LAMA2: variants seen among roughly 807,000 people sequenced by gnomAD.
The protein encoded by LAMA2 is laminin subunit alpha 2.
Under a neutral mutation model 364.8 loss-of-function variants are expected in LAMA2, and 269 were observed. That is an observed-to-expected ratio of 0.74 (90% CI 0.67 to 0.82). LAMA2 has a LOEUF of 0.82. Among genes scored for constraint, LAMA2 ranks in the 40% least tolerant of loss-of-function variants. LAMA2 has a pLI of 0.00. For synonymous variants in LAMA2, 1,379 were observed against 1,370.6 expected (o/e 1.01, Z -0.14); for missense variants, 3,807 against 3,873.2 (o/e 0.98, Z 0.45).
At chr6:129,223,125 G>T (rs1473864378) in intron 12 of LAMA2, among the ~76,000 whole-genome samples, 1 of 152,130 alleles carries the variant, frequency 6.6e-6, no homozygotes, top group Non-Finnish European at 1.5e-5. Flanking sequence ...GTGTCTGCTG[G>T]CTGCATCAGT....
At chr6:129,129,775 T>A (rs1777344737) in intron 4 of LAMA2, among the ~76,000 whole-genome samples, 3 of 151,046 alleles carry the variant, frequency 2.0e-5, no homozygotes, top group Admixed American at 2.0e-4. Flanking sequence ...ATACAAAAAA[T>A]TAGCCAGGCG....
At chr6:129,326,732 AT>A (rs930140799) in intron 28 of LAMA2, among the ~76,000 whole-genome samples, 5 of 144,962 alleles carry the variant, frequency 3.4e-5, no homozygotes, top group African/African-American at 1.3e-4. Context: ...TATTATATAT[AT>A]TTTATATATT....
intron 1 of LAMA2, among the ~76,000 whole-genome samples, chr6:128,946,154 T>C (rs2114555379): frequency 6.6e-6 from 1 of 152,364 alleles, no homozygotes; most frequent in South Asian, 2.1e-4. Context: ...TATCAATGAA[T>C]GTTGTTTTAA....
At chr6:128,925,255 G>A (rs1779013095) in intron 1 of LAMA2, among the ~76,000 whole-genome samples, 2 of 152,150 alleles carry the variant, frequency 1.3e-5, no homozygotes, top group Non-Finnish European at 2.9e-5. Context: ...CAAAAGGTGG[G>A]AGAAACCTGG....
In LAMA2 at chr6:128,883,143, C is replaced by G; in HGVS notation, c.-103C>G. ...CCAGAGGGGGCTGTCTCCTCCTCTT[C>G]CCCAGCAGCTGCTGCTCGCTCAGCT... On this transcript the variant is annotated 5_prime_UTR_variant, in exon 1 of 65. Coordinates refer to ENST00000421865, the MANE Select transcript of LAMA2 (RefSeq NM_000426.4). 8.5e-7 allele frequency: 1 copy of G among 1,182,782 alleles called. No individual in the cohort carries two copies. Among genetic ancestry groups the G allele is most frequent in the South Asian group, 1.3e-5 (1 of 75,104 alleles). The allele number at this position is 1,182,782 out of a possible 1,614,324, so 73.3% of individuals were successfully genotyped here.
rs1324939940 is a variant in LAMA2, at chr6:129,146,971, G to T, written c.832G>T (p.Val278Phe). The change falls in exon 6 of 65, where the codon GTC becomes TTC. Residue 278 changes from valine to phenylalanine, a missense_variant. By Grantham distance (50) the Val-to-Phe change is conservative (BLOSUM62 -1). Coordinates refer to ENST00000421865, the MANE Select transcript of LAMA2 (RefSeq NM_000426.4). ...PIVTRRYYYS[V>F]KDISVGGMCI... ...TTGCTTTTTGCAGTATTACTACTCG[G>T]TCAAGGATATTTCAGTTGGAGGGAT... The T allele has an allele frequency of 1.1e-5, 18 of 1,609,148 alleles. No individual in the cohort carries two copies. The highest frequency in any genetic ancestry group is 2.7e-5 in the African/African-American group (2 of 74,746).
chr6:129,028,418 T>C (rs1785985793), intron 1 of LAMA2, among the ~76,000 whole-genome samples: 1 of 151,826 alleles, frequency 6.6e-6, no homozygotes, highest in Non-Finnish European at 1.5e-5. Flanking sequence ...AGAGGGATGA[T>C]AAATATTATT....
intron 1 of LAMA2, among the ~76,000 whole-genome samples, chr6:128,938,614 T>G (rs543147683): frequency 1.3e-5 from 2 of 152,244 alleles, no homozygotes; most frequent in South Asian, 4.1e-4. Flanking sequence ...GAGGGAAGGG[T>G]CAAAGCATTT....
rs565838299 is a variant in LAMA2 at position 129,377,503 on chromosome 6, CG to C, written c.4960-5615del. 5.9e-5 allele frequency among the ~76,000 whole-genome samples: 9 copies of C among 152,202 alleles called. No individual in the cohort carries two copies. The East Asian group carries it at 1.5e-3, about 26-fold the overall frequency. ...ATGGAACTGGCTCATTGTCATTCCA[CG>C]GGGTCAGCTGGTTGCTCCTTCTTTC... On this transcript the variant is annotated intron_variant, in intron 34 of 64. Transcript: ENST00000421865.
chr6:129,478,849 A>G lies in LAMA2; in HGVS notation c.7572+36A>G. 3 of 1,589,394 alleles carry G rather than the reference A, an allele frequency of 1.9e-6. No individual in the cohort carries two copies. The South Asian group carries it at 3.3e-5, about 18-fold the overall frequency. ...TTTTGATAGTTCTCTAAACACATTT[A>G]TATCAGATTTCACTTACTTAGTGTG... On this transcript the variant is annotated intron_variant, in intron 54 of 64. Coordinates refer to ENST00000421865, the MANE Select transcript of LAMA2 (RefSeq NM_000426.4).
chr6:129,127,367 T>A (rs957807289), intron 4 of LAMA2, among the ~76,000 whole-genome samples: 5 of 152,236 alleles, frequency 3.3e-5, no homozygotes, highest in African/African-American at 4.8e-5. Flanking sequence ...TTTTCTTTTT[T>A]AAAGCTAAAT....
At chr6:129,229,152 TATTA>T (rs1374022013) in intron 12 of LAMA2, among the ~76,000 whole-genome samples, 2 of 152,160 alleles carry the variant, frequency 1.3e-5, no homozygotes, top group African/African-American at 4.8e-5. Context: ...GAAGAGAGAA[TATTA>T]ATTAGATAAG....
chr6:128,923,633 A>AT (rs891260043), intron 1 of LAMA2, among the ~76,000 whole-genome samples: 4 of 152,118 alleles, frequency 2.6e-5, no homozygotes, highest in African/African-American at 9.7e-5. Flanking sequence ...AGGAATAATA[A>AT]TTTTTTTCCC....
intron 12 of LAMA2, among the ~76,000 whole-genome samples, chr6:129,223,065 G>T (rs1783982129): frequency 6.6e-6 from 1 of 152,134 alleles, no homozygotes; most frequent in African/African-American, 2.4e-5. Flanking sequence ...TCTCATTGTG[G>T]TTTTGATTTG....
At chr6:129,456,889 G>A (rs1400492051) in intron 48 of LAMA2, among the ~76,000 whole-genome samples, 1 of 152,092 alleles carries the variant, frequency 6.6e-6, no homozygotes, top group African/African-American at 2.4e-5. Context: ...GAATACTTTG[G>A]GAAATATCAC....
chr6:129,152,578 T>C (rs1288982348), intron 7 of LAMA2, among the ~76,000 whole-genome samples: 3 of 152,236 alleles, frequency 2.0e-5, no homozygotes, highest in Non-Finnish European at 1.5e-5. Context: ...GTATTTAGTA[T>C]GTTTCAGGCA....
chr6:129,405,383 A>G (rs1288482893), intron 40 of LAMA2, among the ~76,000 whole-genome samples: 1 of 152,092 alleles, frequency 6.6e-6, no homozygotes, highest in Non-Finnish European at 1.5e-5. Flanking sequence ...TTTTACCCTA[A>G]TTTAATACCT....
At chr6:128,907,967 G>T (rs906880586) in intron 1 of LAMA2, among the ~76,000 whole-genome samples, 1 of 152,044 alleles carries the variant, frequency 6.6e-6, no homozygotes, top group Non-Finnish European at 1.5e-5. Context: ...AACCAGCCTT[G>T]CATCCCAGGG....
intron 1 of LAMA2, among the ~76,000 whole-genome samples, chr6:128,981,800 ATG>A (rs2114640093): frequency 6.6e-6 from 1 of 152,158 alleles, no homozygotes; most frequent in South Asian, 2.1e-4. Flanking sequence ...CCAAAATAAC[ATG>A]TCTTTCCTTG....
Sources: gnomAD v4.1 joint callset for allele counts (sites outside exome capture counted in the v4.1 genomes callset) on GRCh38, gnomAD v4.1.1 for gene constraint, MANE v1.5 for transcripts, NCBI Gene and HGNC (gene_info 2026-07-23, HGNC 2026-07-21) for gene names.